The following RP1L1 variants were observed in gnomAD, a reference collection of about 807,000 sequenced individuals.
RP1L1 encodes the protein RP1 like 1.
In RP1L1, 27 loss-of-function variants were observed where a neutral mutation model predicts 15.7. That is an observed-to-expected ratio of 1.72 (90% confidence interval 1.27 to 2.38). The LOEUF is 2.38. RP1L1 is among the 30% of genes most tolerant of loss of function. The probability of loss-of-function intolerance (pLI) is 0.00; values close to 1 mark genes in which losing one functional copy is unlikely to be tolerated. For synonymous variants in RP1L1, 1,813 were observed against 1,276.7 expected (o/e 1.42, Z -8.96); for missense variants, 4,798 against 3,075.9 (o/e 1.56, Z -13.24).
chr8:10,640,759 A>C (rs933613386), intron 1 of RP1L1, among the ~76,000 whole-genome samples: 2 of 152,018 alleles, frequency 1.3e-5, no homozygotes, highest in African/African-American at 4.8e-5. Flanking sequence ...TAATATTCCA[A>C]GATTGTGCTA....
At chr8:10,627,647 AT>A (rs1315404128) in intron 1 of RP1L1, among the ~76,000 whole-genome samples, 9 of 27,628 alleles carry the variant, frequency 3.3e-4, no homozygotes, top group African/African-American at 1.2e-3. Flanking sequence ...AATACGAGAT[AT>A]AAAAAAAAAA....
rs781486215 is a variant in RP1L1 at position 10,607,156 on chromosome 8, T to A, written c.6942A>T (p.Ser2314=). The A allele has an allele frequency of 1.2e-6, 2 of 1,614,234 alleles. No individual in the cohort carries two copies. The highest frequency in any genetic ancestry group is 1.7e-6 in the Non-Finnish European group (2 of 1,180,038). The stretch of plus-strand genomic sequence containing the variant: ...TGTCTCCAAGTACATGGTCATTTTC[T>A]GAGTCTTTCTGCCAGCAGTTGCCCC... The part of the protein sequence containing the change: ...SSWGNCWQKD[S]ENDHVLGDTR... Residue 2314 remains serine, a synonymous_variant, in exon 4 of 4, where the codon TCA becomes TCT. Coordinates refer to ENST00000382483, the MANE Select transcript of RP1L1 (RefSeq NM_178857.6).
intron 2 of RP1L1, chr8:10,621,810 A>G (rs1237369438): frequency 4.1e-6 from 2 of 485,420 alleles, no homozygotes; most frequent in Non-Finnish European, 8.3e-6. Context: ...ATGTCCTTGA[A>G]CTCAATAATC....
At position 10,609,189 on chromosome 8, in the gene RP1L1, G is replaced by C; in HGVS notation, c.4909C>G (p.Pro1637Ala). ...CTCCCCAGGGCTGTGCTGAGGGCTG[G>C]CTCGTCCTCCAGGGTGAAGGAGAGG... Reference protein sequence around the residue: ...GPLSFTLEDEPALSTALGSQL... With the variant: ...GPLSFTLEDEAALSTALGSQL... The change falls in exon 4 of 4, where the codon CCA (proline) becomes GCA (alanine). Residue 1637 changes from proline (P) to alanine (A), a missense_variant. Transcript: ENST00000382483. 1.2e-6 allele frequency: 2 copies of C among 1,611,506 alleles called. No homozygotes were observed. The highest frequency in any genetic ancestry group is 1.7e-6 in the Non-Finnish European group (2 of 1,179,530).
At chr8:10,625,922 T>C (rs749965431) in intron 1 of RP1L1, among the ~76,000 whole-genome samples, 2 of 145,632 alleles carry the variant, frequency 1.4e-5, no homozygotes, top group Non-Finnish European at 3.0e-5. Context: ...GGCAGCATTG[T>C]GGGATGGAAA....
At chr8:10,634,088 C>T (rs1364433430) in intron 1 of RP1L1, among the ~76,000 whole-genome samples, 1 of 152,172 alleles carries the variant, frequency 6.6e-6, no homozygotes, top group Admixed American at 6.5e-5. Flanking sequence ...GAGGACCAGG[C>T]TGGACCATAC....
At chr8:10,613,791 A>G (rs1425775029) in intron 3 of RP1L1, among the ~76,000 whole-genome samples, 1 of 151,596 alleles carries the variant, frequency 6.6e-6, no homozygotes, top group Non-Finnish European at 1.5e-5. Context: ...CCATTAAAAA[A>G]AGAAAAGAAA....
At chr8:10,637,257 G>A (rs892327639) in intron 1 of RP1L1, among the ~76,000 whole-genome samples, 3 of 152,200 alleles carry the variant, frequency 2.0e-5, no homozygotes, top group East Asian at 1.9e-4. Context: ...GCTTGGCCGC[G>A]GAATGCGCAG....
At chr8:10,647,565 C>A (rs142167167) in intron 1 of RP1L1, among the ~76,000 whole-genome samples, 459 of 152,334 alleles carry the variant, frequency 3.0e-3, no homozygotes, top group East Asian at 0.015. Flanking sequence ...CCTCTAGGAA[C>A]TTTACAGAAG....
In RP1L1 at chr8:10,611,025, C is replaced by G. The variant is rs756873309; in HGVS notation, c.3073G>C (p.Glu1025Gln). Residue 1025 changes from glutamate to glutamine, a missense_variant, in exon 4 of 4, where the codon GAG becomes CAG. By Grantham distance (29) the Glu-to-Gln change is conservative. Coordinates refer to ENST00000382483, the MANE Select transcript of RP1L1 (RefSeq NM_178857.6). The part of the protein sequence containing the change: ...EGDPGQDPEP[E>Q]GALLGSSDTG... ...TCACTACTCCCCAGGAGGGCTCCCTCTGGCTCTGGGTCCTGGCCGGGGTCC... is the reference window on the plus strand; with the variant it reads ...TCACTACTCCCCAGGAGGGCTCCCTGTGGCTCTGGGTCCTGGCCGGGGTCC... 4 of 1,612,796 alleles carry G rather than the reference C, an allele frequency of 2.5e-6. No homozygotes were observed. The highest frequency in any genetic ancestry group is 3.4e-6 in the Non-Finnish European group (4 of 1,179,998).
intron 1 of RP1L1, among the ~76,000 whole-genome samples, chr8:10,640,248 T>C (rs372440739): frequency 8.9e-4 from 136 of 152,360 alleles, no homozygotes; most frequent in Non-Finnish European, 1.6e-3. Context: ...CTCGTCTACC[T>C]CACTTAGTTG....
Position 10,607,064 on chromosome 8 carries a change from G to A in RP1L1, c.7034C>T (p.Pro2345Leu). 1 of 1,614,198 alleles carries A rather than the reference G, an allele frequency of 6.2e-7. No homozygotes were observed. The highest frequency in any genetic ancestry group is 8.5e-7 in the Non-Finnish European group (1 of 1,180,046). The stretch of plus-strand genomic sequence containing the variant: ...TTCTTGCTCAGAAGTAGAACTTTCT[G>A]GGTACATCCTGGTGGCCTTCCTCTC... The part of the protein sequence containing the change: ...HAERKATRMY[P>L]ESSTSEQEEA... Residue 2345 changes from proline (P) to leucine (L), a missense_variant, in exon 4 of 4, where the codon CCA (proline) becomes CTA (leucine). Physicochemically the swap from Pro to Leu is moderately conservative, Grantham distance 98. Coordinates refer to ENST00000382483, the MANE Select transcript of RP1L1 (RefSeq NM_178857.6).
At chr8:10,632,707 T>A (rs1188864477) in intron 1 of RP1L1, among the ~76,000 whole-genome samples, 4 of 152,222 alleles carry the variant, frequency 2.6e-5, no homozygotes, top group African/African-American at 9.6e-5. Context: ...AACTATTTGT[T>A]GAGAGACTGA....
chr8:10,633,340 G>T (rs1185621217), intron 1 of RP1L1, among the ~76,000 whole-genome samples: 2 of 152,184 alleles, frequency 1.3e-5, no homozygotes, highest in Non-Finnish European at 2.9e-5. Context: ...CAGAGGGCAA[G>T]AAGCCTGACA....
At chr8:10,625,909 G>A (rs573545289) in intron 1 of RP1L1, among the ~76,000 whole-genome samples, 4 of 151,704 alleles carry the variant, frequency 2.6e-5, no homozygotes, top group Non-Finnish European at 5.9e-5. Flanking sequence ...GGCAGGCAGC[G>A]AGGGCAGCAT....
In RP1L1 at chr8:10,622,816, A is replaced by G. The variant is rs1798086332; in HGVS notation, c.386T>C (p.Leu129Ser). 6.2e-7 allele frequency: 1 copy of G among 1,613,666 alleles called. No individual in the cohort carries two copies. The highest frequency in any genetic ancestry group is 8.5e-7 in the Non-Finnish European group (1 of 1,179,830). ...TTCACGCTGGCCTTCGACATCCCGC[A>G]ACTGCTGAGCAGTGGGGTTTCTCTC... ...PQERNPTAQQ[L>S]RDVEGQREAP... Residue 129 changes from leucine to serine, a missense_variant, in exon 2 of 4, where the codon TTG becomes TCG. Transcript: ENST00000382483.
rs181861029 is a variant in RP1L1 at position 10,608,618 on chromosome 8, C to T, written c.5480G>A (p.Gly1827Glu). The stretch of plus-strand genomic sequence containing the variant: ...TATGCCTTCGGCCCCATCACTCTGT[C>T]CTGGATCTTGGTCACCTCCTGCCGC... ...EAAAGGDQDP[G>E]QSDGAEGIEA... The change falls in exon 4 of 4, where the codon GGA (glycine) becomes GAA (glutamate). Residue 1827 changes from glycine (G) to glutamate (E), a missense_variant. Physicochemically the swap from Gly to Glu is moderately conservative, Grantham distance 98. Coordinates refer to ENST00000382483, the MANE Select transcript of RP1L1 (RefSeq NM_178857.6). 5.7e-5 allele frequency: 92 copies of T among 1,614,214 alleles called. No homozygotes were observed. In the African/African-American group the frequency reaches 1.2e-3, roughly 21 times the overall value.
rs368774529 is a variant in RP1L1, at chr8:10,616,605, G to A, written c.610-18C>T. On this transcript the variant is annotated intron_variant, in intron 2 of 3. Coordinates refer to ENST00000382483, the MANE Select transcript of RP1L1 (RefSeq NM_178857.6). The stretch of plus-strand genomic sequence containing the variant: ...GAGTCCACCTGAGGGAGGAGCGGGC[G>A]GGGTCAGGAGGCCTGGGCTGCAGAA... The A allele has an allele frequency of 8.4e-5, 135 of 1,604,460 alleles. 2 individuals carry two copies. In the South Asian group the frequency reaches 1.2e-3, roughly 14 times the overall value.
chr8:10,627,855 G>A (rs1283522997), intron 1 of RP1L1, among the ~76,000 whole-genome samples: 1 of 152,164 alleles, frequency 6.6e-6, no homozygotes, highest in Non-Finnish European at 1.5e-5. Context: ...AACAGAGCAA[G>A]TAGGCAAAGA....
Sources: allele counts gnomAD v4.1 joint callset (sites outside exome capture counted in the v4.1 genomes callset), GRCh38; gene constraint gnomAD v4.1.1; transcripts MANE v1.5; gene names NCBI Gene and HGNC (gene_info 2026-07-23, HGNC 2026-07-21).